THADA: variants seen among roughly 807,000 people sequenced by gnomAD.
THADA encodes tRNA (32-2'-O)-methyltransferase regulator THADA.
A neutral mutation model predicts 219.8 loss-of-function variants in THADA; 213 were observed. That is an observed-to-expected ratio of 0.97 (90% confidence interval 0.87 to 1.09). The LOEUF (loss-of-function observed/expected upper bound fraction) is 1.09, where lower values mean the gene tolerates loss of function less well. THADA is among the 50% of genes least tolerant of loss of function. THADA has a pLI of 0.00. For missense variants in THADA, 2,956 were observed against 2,311.3 expected (o/e 1.28, Z -5.72); for synonymous variants, 1,018 against 828.9 (o/e 1.23, Z -3.92).
chr2:43,273,327 G>C (rs1419876263), intron 36 of THADA, among the ~76,000 whole-genome samples: 1 of 152,034 alleles, frequency 6.6e-6, no homozygotes, highest in African/African-American at 2.4e-5. Context: ...TAACTCATCT[G>C]AAGAGGAATT....
chr2:43,434,463 C>A (rs991115373), intron 26 of THADA, among the ~76,000 whole-genome samples: 3 of 152,160 alleles, frequency 2.0e-5, no homozygotes, highest in Non-Finnish European at 4.4e-5. Context: ...CCGCCATGCC[C>A]CCAACCTGTA....
intron 28 of THADA, among the ~76,000 whole-genome samples, chr2:43,421,940 A>T (rs1393006933): frequency 6.6e-6 from 1 of 152,192 alleles, no homozygotes; most frequent in African/African-American, 2.4e-5. Flanking sequence ...ATGTACAAAT[A>T]TTGTCACAGG....
intron 25 of THADA, among the ~76,000 whole-genome samples, chr2:43,491,071 G>A (rs754067765): frequency 2.0e-5 from 3 of 152,130 alleles, no homozygotes; most frequent in Admixed American, 1.3e-4. Context: ...AGTATGAATG[G>A]TTCAAGGATA....
chr2:43,249,961 C>A (rs1572771297), intron 36 of THADA, among the ~76,000 whole-genome samples: 1 of 152,204 alleles, frequency 6.6e-6, no homozygotes, highest in East Asian at 1.9e-4. Flanking sequence ...CTTGTCAGAG[C>A]AGACCTGGGG....
intron 26 of THADA, among the ~76,000 whole-genome samples, chr2:43,435,180 C>T (rs72881027): frequency 0.065 from 9,836 of 152,222 alleles, 736 homozygotes; most frequent in African/African-American, 0.18. Context: ...CAGGGCCAGG[C>T]GCAGCGGCTC....
Position 43,590,140 on chromosome 2 carries a change from CTTAG to C in THADA, c.302+680_302+683del, listed in dbSNP as rs1701402416. Reference sequence around the variant, plus strand: ...AAGCCCTAAACAATGAAATGGAAGCCTTAGTTTTTATTTTGTATAGTTCTATATC... The same window carrying C: ...AAGCCCTAAACAATGAAATGGAAGCCTTTTTATTTTGTATAGTTCTATATC... On this transcript the variant is annotated intron_variant, in intron 4 of 37. Transcript: ENST00000405975. Among the ~76,000 whole-genome samples, 3 of 152,130 alleles carry C rather than the reference CTTAG, an allele frequency of 2.0e-5. No individual in the cohort carries two copies. In the South Asian group the frequency reaches 6.2e-4, roughly 32 times the overall value.
At chr2:43,314,233 A>AT (rs1322243565) in intron 31 of THADA, among the ~76,000 whole-genome samples, 1 of 152,192 alleles carries the variant, frequency 6.6e-6, no homozygotes, top group African/African-American at 2.4e-5. Flanking sequence ...TATGATTGCT[A>AT]TGTCATTTCT....
intron 26 of THADA, among the ~76,000 whole-genome samples, chr2:43,459,412 T>C (rs982540496): frequency 6.6e-6 from 1 of 152,164 alleles, no homozygotes; most frequent in African/African-American, 2.4e-5. Context: ...CCTTCTTTCA[T>C]ACATTTGATT....
chr2:43,362,671 G>C (rs934394819), intron 29 of THADA, among the ~76,000 whole-genome samples: 1 of 151,764 alleles, frequency 6.6e-6, no homozygotes, highest in African/African-American at 2.4e-5. Context: ...TGTATACTTA[G>C]GCTACACTAA....
At chr2:43,487,880 C>T (rs981472729) in intron 25 of THADA, among the ~76,000 whole-genome samples, 1 of 152,078 alleles carries the variant, frequency 6.6e-6, no homozygotes, top group Non-Finnish European at 1.5e-5. Flanking sequence ...TATAGCAGCC[C>T]GAAGGGACTA....
intron 20 of THADA, among the ~76,000 whole-genome samples, chr2:43,543,917 T>G (rs1695662056): frequency 6.6e-6 from 1 of 152,010 alleles, no homozygotes; most frequent in Non-Finnish European, 1.5e-5. Flanking sequence ...TGCCATTGCT[T>G]TTGGTGTTTT....
intron 26 of THADA, among the ~76,000 whole-genome samples, chr2:43,464,023 T>C (rs1683942066): frequency 6.6e-6 from 1 of 152,196 alleles, no homozygotes; most frequent in African/African-American, 2.4e-5. Flanking sequence ...TATTATAAGG[T>C]AGTATATTTT....
intron 28 of THADA, among the ~76,000 whole-genome samples, chr2:43,418,009 G>T (rs1677212976): frequency 6.6e-6 from 1 of 152,054 alleles, no homozygotes; most frequent in Non-Finnish European, 1.5e-5. Context: ...TAATCAGGAT[G>T]GAAAAAATAG....
chr2:43,238,918 C>T (rs150434388), intron 36 of THADA, among the ~76,000 whole-genome samples: 9 of 151,918 alleles, frequency 5.9e-5, no homozygotes, highest in South Asian at 2.1e-4. Context: ...GGGAGGAAGA[C>T]GTCAATGTGG....
At chr2:43,367,025 C>T (rs773115649) in intron 29 of THADA, among the ~76,000 whole-genome samples, 3 of 152,270 alleles carry the variant, frequency 2.0e-5, no homozygotes, top group East Asian at 1.9e-4. Flanking sequence ...AAAATTCTGA[C>T]ACATGCCAAA....
At chr2:43,505,772 A>G (rs1689597225) in intron 23 of THADA, 37 bp from the exon 24 acceptor site, 2 of 1,417,088 alleles carry the variant, frequency 1.4e-6, no homozygotes, top group Non-Finnish European at 2.0e-6. Context: ...CAGGGTTCTT[A>G]GTTTACATAT....
At chr2:43,331,884 C>T (rs1297279453) in intron 30 of THADA, among the ~76,000 whole-genome samples, 1 of 143,290 alleles carries the variant, frequency 7.0e-6, no homozygotes, top group Non-Finnish European at 1.5e-5. Context: ...CATAACTGAA[C>T]TCTGACAACA....
At chr2:43,554,265 A>C (rs1200386708) in intron 17 of THADA, among the ~76,000 whole-genome samples, 1 of 152,094 alleles carries the variant, frequency 6.6e-6, no homozygotes, top group African/African-American at 2.4e-5. Context: ...TCTTTTATTT[A>C]TTTTGAGCTA....
Position 43,574,506 on chromosome 2 carries a change from T to C in THADA, c.1559A>G (p.Asp520Gly). ...AGAAACCCAAGTCTCATGCCACTGG[T>C]CAATCCAAGAACTCTCAGCAGTCTG... is the stretch of plus-strand genomic sequence containing the variant. ...KSQTAESSWIDQWHETWVSPL... is the reference protein window; with the variant it reads ...KSQTAESSWIGQWHETWVSPL... The change falls in exon 11 of 38, where the codon GAC becomes GGC. Residue 520 changes from aspartate (D) to glycine (G), a missense_variant. Coordinates refer to ENST00000405975, the MANE Select transcript of THADA (RefSeq NM_022065.5). The C allele has an allele frequency of 6.2e-7, 1 of 1,613,976 alleles. No individual in the cohort carries two copies. Among genetic ancestry groups the C allele is most frequent in the East Asian group, 2.2e-5 (1 of 44,878 alleles).
Sources: allele counts gnomAD v4.1 joint callset (sites outside exome capture counted in the v4.1 genomes callset), GRCh38; gene constraint gnomAD v4.1.1; transcripts MANE v1.5; gene names NCBI Gene and HGNC (gene_info 2026-07-23, HGNC 2026-07-21).